KYNU: variants seen among roughly 807,000 people sequenced by gnomAD.
KYNU encodes the protein kynureninase.
KYNU carries 54 observed loss-of-function variants against 59.2 expected under a neutral mutation model. That is an observed-to-expected ratio of 0.91 (90% CI 0.73 to 1.14). The LOEUF is 1.14. KYNU is among the 50% of genes most tolerant of loss of function. The pLI is 0.00. For missense variants in KYNU, 567 were observed against 554.4 expected, an observed-to-expected ratio of 1.02 and a Z score of -0.23; for synonymous variants, 177 against 192.0, an observed-to-expected ratio of 0.92 and a Z score of 0.65.
At chr2:143,026,754 TCCG>T (rs774418830) in intron 10 of KYNU, among the ~76,000 whole-genome samples, 36,317 of 127,352 alleles carry the variant, frequency 0.29, 5,314 homozygotes, top group African/African-American at 0.46. Context: ...CAGTCCGCAG[TCCG>T]CAGTCCGCAT....
intron 10 of KYNU, among the ~76,000 whole-genome samples, chr2:142,994,053 C>T (rs1558965163): frequency 6.6e-6 from 1 of 151,978 alleles, no homozygotes; most frequent in Non-Finnish European, 1.5e-5. Flanking sequence ...AAGTTTTAGC[C>T]CTAAAGTAAC....
At chr2:142,963,248 GA>G (rs1040072145) in intron 8 of KYNU, among the ~76,000 whole-genome samples, 1 of 151,110 alleles carries the variant, frequency 6.6e-6, no homozygotes, top group Admixed American at 6.6e-5. Context: ...ACCCCATCAA[GA>G]AAAAAAAAGT....
rs905856908 is a variant in KYNU at position 143,054,814 on chromosome 2, G to C, written c.*12642G>C. 3 of 152,074 alleles carry C rather than the reference G, an allele frequency of 2.0e-5. No homozygotes were observed. Among genetic ancestry groups the C allele is most frequent in the Non-Finnish European group, 4.4e-5 (3 of 68,034 alleles). 9.4% of individuals were successfully genotyped at this position (152,074 alleles called of 1,614,324 possible). A position where few individuals can be genotyped will look rare whatever the true frequency, so the allele number is the denominator to read the frequency against. On this transcript the variant is annotated 3_prime_UTR_variant, in exon 14 of 14. Coordinates refer to ENST00000264170, the MANE Select transcript of KYNU (RefSeq NM_003937.3). ...GAATACAATAGGAGGCAGGTAGGGA[G>C]AAGGCACTACCCTGAATTATGAGAC...
At chr2:142,911,448 A>G (rs1236744272) in intron 2 of KYNU, among the ~76,000 whole-genome samples, 3 of 152,262 alleles carry the variant, frequency 2.0e-5, no homozygotes, top group Non-Finnish European at 4.4e-5. Flanking sequence ...TAGCAGTTCT[A>G]GGAGAATTTT....
chr2:142,904,318 G>C (rs1036900229), intron 2 of KYNU, among the ~76,000 whole-genome samples: 1 of 152,138 alleles, frequency 6.6e-6, no homozygotes, highest in African/African-American at 2.4e-5. Flanking sequence ...AAATGTCTGT[G>C]GCACCAATTC....
chr2:142,901,737 T>C (rs186265516), intron 2 of KYNU, among the ~76,000 whole-genome samples: 1 of 152,296 alleles, frequency 6.6e-6, no homozygotes, highest in African/African-American at 2.4e-5. Flanking sequence ...CTATTAGTTC[T>C]GCCAGCCGAG....
intron 11 of KYNU, among the ~76,000 whole-genome samples, chr2:143,030,913 C>T (rs1274102506): frequency 6.6e-6 from 1 of 152,128 alleles, no homozygotes; most frequent in Non-Finnish European, 1.5e-5. Context: ...AACCATCTAA[C>T]ACAAATCCTA....
intron 8 of KYNU, among the ~76,000 whole-genome samples, chr2:142,963,856 G>A (rs940062302): frequency 6.6e-6 from 1 of 152,132 alleles, no homozygotes; most frequent in Non-Finnish European, 1.5e-5. Flanking sequence ...AAGTATTTTG[G>A]ATATTTTTGG....
intron 10 of KYNU, among the ~76,000 whole-genome samples, chr2:142,987,619 A>G (rs1479863855): frequency 6.6e-6 from 1 of 151,926 alleles, no homozygotes; most frequent in Non-Finnish European, 1.5e-5. Context: ...ATCTTCTATG[A>G]TTGTTCAGTA....
intron 4 of KYNU, among the ~76,000 whole-genome samples, chr2:142,948,930 A>C (rs1222781448): frequency 6.6e-6 from 1 of 152,228 alleles, no homozygotes; most frequent in Non-Finnish European, 1.5e-5. Flanking sequence ...TGTAAGATAA[A>C]TGGCAAGTTA....
chr2:142,969,369 A>G (rs1209321819), intron 8 of KYNU, among the ~76,000 whole-genome samples: 2 of 152,188 alleles, frequency 1.3e-5, no homozygotes, highest in Non-Finnish European at 2.9e-5. Context: ...CTTAGATGCA[A>G]TGTTCCATTA....
chr2:143,049,308 G>A lies in KYNU; in HGVS notation c.*7136G>A, dbSNP rs980874071. 6.6e-6 allele frequency: 1 copy of A among 151,990 alleles called. No homozygotes were observed. The highest frequency in any genetic ancestry group is 1.5e-5 in the Non-Finnish European group (1 of 68,006). The allele number at this position is 151,990 out of a possible 1,614,324, so 9.4% of individuals were successfully genotyped here. Reference sequence around the variant, plus strand: ...TCTTTCGAATGTGCTTCTGCTTTAGGCATTAGTAGTGGACATTCTGGTTCC... The same window carrying A: ...TCTTTCGAATGTGCTTCTGCTTTAGACATTAGTAGTGGACATTCTGGTTCC... On this transcript the variant is annotated 3_prime_UTR_variant, in exon 14 of 14. Coordinates refer to ENST00000264170, the MANE Select transcript of KYNU (RefSeq NM_003937.3).
intron 3 of KYNU, among the ~76,000 whole-genome samples, chr2:142,922,424 G>A (rs1452391596): frequency 6.6e-6 from 1 of 151,996 alleles, no homozygotes; most frequent in African/African-American, 2.4e-5. Context: ...AGGATCGCTT[G>A]AGCCTGGAAT....
Position 143,046,498 on chromosome 2 carries a change from A to G in KYNU, c.*4326A>G, listed in dbSNP as rs1476642473. 1 of 151,844 alleles carries G rather than the reference A, an allele frequency of 6.6e-6. No individual in the cohort carries two copies. Among genetic ancestry groups the G allele is most frequent in the Non-Finnish European group, 1.5e-5 (1 of 67,950 alleles). 9.4% of individuals were successfully genotyped at this position (151,844 alleles called of 1,614,324 possible). A position where few individuals can be genotyped will look rare whatever the true frequency, so the allele number is the denominator to read the frequency against. On this transcript the variant is annotated 3_prime_UTR_variant, in exon 14 of 14. Transcript: ENST00000264170. ...GTGATTCTATTTCATTTTTTCCCAT[A>G]TAGATAATTTATATTATTAATAATT...
chr2:143,018,781 A>G (rs1264139331), intron 10 of KYNU, among the ~76,000 whole-genome samples: 2 of 152,056 alleles, frequency 1.3e-5, no homozygotes, highest in Non-Finnish European at 2.9e-5. Flanking sequence ...ATGTTTTTCC[A>G]TTTGTGTCAT....
chr2:143,035,162 G>A (rs1401776314), intron 12 of KYNU, among the ~76,000 whole-genome samples: 1 of 152,100 alleles, frequency 6.6e-6, no homozygotes, highest in Non-Finnish European at 1.5e-5. Flanking sequence ...CTGAGTAGCT[G>A]GGACTACAGG....
intron 2 of KYNU, among the ~76,000 whole-genome samples, chr2:142,904,919 C>G (rs1211464772): frequency 6.6e-6 from 1 of 152,162 alleles, no homozygotes; most frequent in East Asian, 1.9e-4. Context: ...TGGTCCTTTA[C>G]CAGCGTGCCC....
intron 7 of KYNU, among the ~76,000 whole-genome samples, chr2:142,959,932 GT>G (rs1558945019): frequency 6.6e-6 from 1 of 152,088 alleles, no homozygotes; most frequent in Admixed American, 6.6e-5. Flanking sequence ...GTTTAATTTA[GT>G]TTAGTTTTTT....
chr2:142,971,881 T>C (rs1684735298), intron 8 of KYNU, among the ~76,000 whole-genome samples: 1 of 152,246 alleles, frequency 6.6e-6, no homozygotes, highest in East Asian at 1.9e-4. Flanking sequence ...TTGTAAGTTT[T>C]GAGTTCTTTT....
Sources: gnomAD v4.1 joint callset for allele counts (sites outside exome capture counted in the v4.1 genomes callset) on GRCh38, gnomAD v4.1.1 for gene constraint, MANE v1.5 for transcripts, NCBI Gene and HGNC (gene_info 2026-07-23, HGNC 2026-07-21) for gene names.